RALYL: variants seen among roughly 807,000 people sequenced by gnomAD.
The protein encoded by RALYL is RNA-binding Raly-like protein.
In RALYL, 29 loss-of-function variants were observed where a neutral mutation model predicts 35.1. The observed-to-expected ratio is 0.83, with a 90% CI of 0.61 to 1.13. The LOEUF (loss-of-function observed/expected upper bound fraction) is 1.13, where lower values mean the gene tolerates loss of function less well. RALYL is among the 50% of genes most tolerant of loss of function. RALYL has a pLI of 0.00. For missense variants in RALYL, 359 were observed against 360.4 expected (o/e 1.00, Z 0.03); for synonymous variants, 120 against 127.6 (o/e 0.94, Z 0.40).
chr8:84,668,051 T>C (rs935393643), intron 2 of RALYL, among the ~76,000 whole-genome samples: 6 of 152,252 alleles, frequency 3.9e-5, no homozygotes, highest in South Asian at 2.1e-4. Flanking sequence ...GTTTGCAGGC[T>C]CTTTCTCCAT....
chr8:84,777,007 C>T (rs1159190043), intron 3 of RALYL, among the ~76,000 whole-genome samples: 1 of 152,178 alleles, frequency 6.6e-6, no homozygotes, highest in African/African-American at 2.4e-5. Context: ...CCCTTTTATA[C>T]ACATTTTCTC....
chr8:84,869,295 T>C (rs768301486), intron 6 of RALYL, among the ~76,000 whole-genome samples: 6 of 152,340 alleles, frequency 3.9e-5, no homozygotes, highest in Non-Finnish European at 7.3e-5. Flanking sequence ...AGATTCTTTA[T>C]TGTTGAAATA....
chr8:84,237,995 T>C (rs549191278), intron 1 of RALYL, among the ~76,000 whole-genome samples: 22 of 130,198 alleles, frequency 1.7e-4, no homozygotes, highest in African/African-American at 5.9e-4. Context: ...AAGAAAAAAG[T>C]GCAAAAACAA....
At chr8:84,542,567 G>T (rs945484304) in intron 2 of RALYL, among the ~76,000 whole-genome samples, 1 of 151,996 alleles carries the variant, frequency 6.6e-6, no homozygotes, top group African/African-American at 2.4e-5. Flanking sequence ...GTTTCATAAG[G>T]GGCTTTTCCC....
At chr8:84,368,477 G>A (rs2131379456) in intron 1 of RALYL, among the ~76,000 whole-genome samples, 1 of 152,278 alleles carries the variant, frequency 6.6e-6, no homozygotes, top group Middle Eastern at 3.4e-3. Flanking sequence ...CAGTGTATTA[G>A]TCTGCTTTCA....
At chr8:84,316,805 T>C (rs992308502) in intron 1 of RALYL, among the ~76,000 whole-genome samples, 2 of 152,208 alleles carry the variant, frequency 1.3e-5, no homozygotes, top group African/African-American at 4.8e-5. Flanking sequence ...GTTTTCTATT[T>C]TAGCAGAAAA....
At chr8:84,494,433 T>C (rs1321569178) in intron 1 of RALYL, among the ~76,000 whole-genome samples, 4 of 152,184 alleles carry the variant, frequency 2.6e-5, no homozygotes, top group Non-Finnish European at 5.9e-5. Context: ...TTTCTAATTC[T>C]GTGAAGAATG....
intron 4 of RALYL, among the ~76,000 whole-genome samples, chr8:84,826,866 G>C (rs574334811): frequency 1.3e-5 from 2 of 151,818 alleles, no homozygotes; most frequent in Non-Finnish European, 2.9e-5. Flanking sequence ...AGAATCACCA[G>C]ACATTTGAGG....
rs1020510529 is a variant in RALYL, at chr8:84,773,265, T to A, written c.257-1314T>A. On this transcript the variant is annotated intron_variant, in intron 2 of 8. Transcript: ENST00000521268. ...ATCCCTTACTTTCTTGCTAGTTTTA[T>A]GTTGCATTCTTTAAAAGGATACATT... 2.0e-5 allele frequency among the ~76,000 whole-genome samples: 3 copies of A among 152,352 alleles called. No homozygotes were observed. The South Asian group carries it at 6.2e-4, about 32-fold the overall frequency.
chr8:84,391,914 C>T (rs1207634577), intron 1 of RALYL, among the ~76,000 whole-genome samples: 1 of 151,964 alleles, frequency 6.6e-6, no homozygotes, highest in South Asian at 2.1e-4. Flanking sequence ...TTTGTTCATG[C>T]ATCTGTCATC....
chr8:84,569,299 T>C (rs1261889512), intron 2 of RALYL, among the ~76,000 whole-genome samples: 2 of 152,200 alleles, frequency 1.3e-5, no homozygotes, highest in Admixed American at 1.3e-4. Context: ...ATTTATTAAA[T>C]AGGGAATCCT....
chr8:84,693,986 A>G (rs1487627878), intron 2 of RALYL, among the ~76,000 whole-genome samples: 1 of 151,888 alleles, frequency 6.6e-6, no homozygotes. Context: ...AATAAAGGCC[A>G]TATCTGAGGA....
At chr8:84,617,318 A>C (rs1819998930) in intron 2 of RALYL, among the ~76,000 whole-genome samples, 1 of 151,396 alleles carries the variant, frequency 6.6e-6, no homozygotes, top group South Asian at 2.1e-4. Flanking sequence ...ATCCCTTGTA[A>C]GTTGGATTCC....
At chr8:84,721,218 A>G (rs1048418379) in intron 2 of RALYL, among the ~76,000 whole-genome samples, 13 of 148,074 alleles carry the variant, frequency 8.8e-5, no homozygotes, top group African/African-American at 3.4e-4. Flanking sequence ...AAAAAAAAAG[A>G]AAGAAAGAAA....
chr8:84,525,239 A>G (rs546229957), intron 1 of RALYL, among the ~76,000 whole-genome samples: 2 of 152,024 alleles, frequency 1.3e-5, no homozygotes, highest in Non-Finnish European at 2.9e-5. Flanking sequence ...ATAGATAGAC[A>G]CTTTACATGA....
chr8:84,631,466 A>G (rs1485495101), intron 2 of RALYL, among the ~76,000 whole-genome samples: 2 of 152,026 alleles, frequency 1.3e-5, no homozygotes, highest in Non-Finnish European at 2.9e-5. Flanking sequence ...CTGTCATGGG[A>G]TGAAAGATAA....
chr8:84,372,027 AAAAAC>A (rs1855828402), intron 1 of RALYL, among the ~76,000 whole-genome samples: 1 of 152,100 alleles, frequency 6.6e-6, no homozygotes, highest in Non-Finnish European at 1.5e-5. Context: ...GTAAAAAACT[AAAAAC>A]AAAACAAAAC....
At chr8:84,341,842 TAATC>T (rs1171818570) in intron 1 of RALYL, among the ~76,000 whole-genome samples, 2 of 152,046 alleles carry the variant, frequency 1.3e-5, no homozygotes, top group East Asian at 3.9e-4. Flanking sequence ...TATTCCAAAG[TAATC>T]AATATCTATC....
At chr8:84,663,637 C>T (rs923196067) in intron 2 of RALYL, among the ~76,000 whole-genome samples, 1 of 152,004 alleles carries the variant, frequency 6.6e-6, no homozygotes, top group Non-Finnish European at 1.5e-5. Flanking sequence ...AGTGTCTGTT[C>T]ATGTCCTTTG....
Sources: gnomAD v4.1 joint callset for allele counts (sites outside exome capture counted in the v4.1 genomes callset) on GRCh38, gnomAD v4.1.1 for gene constraint, MANE v1.5 for transcripts, NCBI Gene and HGNC (gene_info 2026-07-23, HGNC 2026-07-21) for gene names.